The following IFT81 variants were observed in gnomAD, a reference collection of about 807,000 sequenced individuals.
IFT81 encodes the protein intraflagellar transport protein 81 homolog.
A neutral mutation model predicts 102.6 loss-of-function variants in IFT81; 72 were observed. The ratio of observed to expected loss-of-function variants is 0.70; its 90% CI spans 0.58 to 0.85. IFT81 has a LOEUF of 0.85. IFT81 is among the 40% of genes least tolerant of loss of function. IFT81 has a pLI of 0.00. For missense variants in IFT81, 723 were observed against 787.3 expected (o/e 0.92, Z 0.98); for synonymous variants, 237 against 242.7 (o/e 0.98, Z 0.22).
chr12:110,164,523 C>T (rs1289552403), intron 11 of IFT81, among the ~76,000 whole-genome samples: 2 of 151,846 alleles, frequency 1.3e-5, no homozygotes, highest in Non-Finnish European at 1.5e-5. Flanking sequence ...TTGTCCAAAC[C>T]TCATTTTTGG....
chr12:110,142,182 G>C (rs1006765645), intron 8 of IFT81, among the ~76,000 whole-genome samples: 1 of 151,846 alleles, frequency 6.6e-6, no homozygotes, highest in Non-Finnish European at 1.5e-5. Context: ...GTTTTTTTGA[G>C]ACAGAGTCTC....
intron 18 of IFT81, among the ~76,000 whole-genome samples, chr12:110,212,220 A>G (rs1434589516): frequency 6.7e-6 from 1 of 149,574 alleles, no homozygotes; most frequent in Non-Finnish European, 1.5e-5. Flanking sequence ...ATTGGTAAAT[A>G]AAGGTGATAT....
intron 12 of IFT81, among the ~76,000 whole-genome samples, chr12:110,190,283 C>T (rs1378074778): frequency 6.6e-6 from 1 of 152,160 alleles, no homozygotes; most frequent in Non-Finnish European, 1.5e-5. Flanking sequence ...ATTCTCACTG[C>T]ACCTCCTTAC....
chr12:110,164,183 A>G (rs1407875812), intron 11 of IFT81, among the ~76,000 whole-genome samples: 2 of 152,184 alleles, frequency 1.3e-5, no homozygotes, highest in South Asian at 2.1e-4. Flanking sequence ...ACATTGCAAT[A>G]TACTTTAAAT....
At chr12:110,211,637 G>A (rs955186611) in intron 18 of IFT81, among the ~76,000 whole-genome samples, 64 of 149,464 alleles carry the variant, frequency 4.3e-4, no homozygotes, top group African/African-American at 1.5e-3. Flanking sequence ...AATTATTCTT[G>A]TTTTTTTTTA....
At chr12:110,182,144 A>G (rs988439750) in intron 12 of IFT81, among the ~76,000 whole-genome samples, 1 of 152,324 alleles carries the variant, frequency 6.6e-6, no homozygotes, top group Non-Finnish European at 1.5e-5. Flanking sequence ...GTCAACATTC[A>G]TAACAGTTTG....
chr12:110,150,373 G>A (rs1188266969), intron 10 of IFT81, among the ~76,000 whole-genome samples: 2 of 152,044 alleles, frequency 1.3e-5, no homozygotes, highest in Non-Finnish European at 2.9e-5. Context: ...CACCGCACCC[G>A]GCCATGTTTT....
chr12:110,210,129 T>C (rs1869216499), intron 18 of IFT81, among the ~76,000 whole-genome samples: 1 of 152,158 alleles, frequency 6.6e-6, no homozygotes, highest in Non-Finnish European at 1.5e-5. Context: ...ACACCAGCTT[T>C]GCATTCTTAG....
chr12:110,126,854 A>C (rs10774545), intron 1 of IFT81, among the ~76,000 whole-genome samples: 113,883 of 152,124 alleles, frequency 0.75, 43,219 homozygotes, highest in African/African-American at 0.87. Flanking sequence ...CTCTACTCAG[A>C]TGCAGTTGGT....
At chr12:110,165,021 T>C (rs1896357828) in intron 11 of IFT81, among the ~76,000 whole-genome samples, 1 of 151,878 alleles carries the variant, frequency 6.6e-6, no homozygotes, top group Admixed American at 6.6e-5. Context: ...GGAAAAAACC[T>C]AGTGCCAGGT....
Position 110,146,936 on chromosome 12 carries a change from C to A in IFT81, c.946-17C>A. 1 of 1,552,316 alleles carries A rather than the reference C, an allele frequency of 6.4e-7. No individual in the cohort carries two copies. The highest frequency in any genetic ancestry group is 8.7e-7 in the Non-Finnish European group (1 of 1,151,538). On this transcript the variant is annotated splice_polypyrimidine_tract_variant and intron_variant, in intron 9 of 18. Coordinates refer to ENST00000242591, the MANE Select transcript of IFT81 (RefSeq NM_014055.4). The stretch of plus-strand genomic sequence containing the variant: ...GGAAAGTTTTAACTTTTTTTTTTTG[C>A]TTTCATGCTATTTTAGATAAATGAA...
intron 5 of IFT81, among the ~76,000 whole-genome samples, chr12:110,133,347 G>A (rs1894288033): frequency 6.6e-6 from 1 of 151,908 alleles, no homozygotes; most frequent in South Asian, 2.1e-4. Flanking sequence ...AGTAGGCCAG[G>A]CATGGTAGCT....
chr12:110,188,827 G>A (rs1312065944), intron 12 of IFT81, among the ~76,000 whole-genome samples: 1 of 151,770 alleles, frequency 6.6e-6, no homozygotes, highest in African/African-American at 2.4e-5. Flanking sequence ...TACTTGGGAG[G>A]CTGAGGCAGG....
At chr12:110,131,509 G>A (rs555446524) in intron 4 of IFT81, among the ~76,000 whole-genome samples, 5 of 151,990 alleles carry the variant, frequency 3.3e-5, no homozygotes, top group Middle Eastern at 3.4e-3. Flanking sequence ...ACTGTGCCCA[G>A]CTAATTTTTT....
At chr12:110,214,463 C>G (rs1014090814) in intron 18 of IFT81, among the ~76,000 whole-genome samples, 2 of 152,098 alleles carry the variant, frequency 1.3e-5, no homozygotes, top group African/African-American at 4.8e-5. Flanking sequence ...TGATGATAGT[C>G]TAAGCCCTCT....
intron 3 of IFT81, among the ~76,000 whole-genome samples, chr12:110,128,610 C>T (rs564000633): frequency 3.2e-4 from 48 of 151,328 alleles, no homozygotes; most frequent in Middle Eastern, 6.8e-3. Context: ...GGCAACATGG[C>T]GAAACGCTGC....
rs1021978379 is a variant in IFT81, at chr12:110,127,243, T to C, written c.-21-117T>C. The stretch of plus-strand genomic sequence containing the variant: ...CAAAATAACCCTTTTCACAGCATTT[T>C]GTATGCCATGTAAAATTATACTTTT... On this transcript the variant is annotated intron_variant, in intron 1 of 18. Transcript: ENST00000242591. 3.2e-5 allele frequency: 32 copies of C among 996,288 alleles called. No homozygotes were observed. In the African/African-American group the frequency reaches 4.4e-4, roughly 14 times the overall value. The allele number at this position is 996,288 out of a possible 1,614,324, so 61.7% of individuals were successfully genotyped here.
intron 10 of IFT81, among the ~76,000 whole-genome samples, chr12:110,154,587 T>C (rs2137406342): frequency 6.9e-6 from 1 of 145,834 alleles, no homozygotes; most frequent in South Asian, 2.2e-4. Flanking sequence ...AGATCATGCC[T>C]CTGCATTACA....
At chr12:110,169,508 T>C (rs1440530087) in intron 11 of IFT81, among the ~76,000 whole-genome samples, 1 of 152,102 alleles carries the variant, frequency 6.6e-6, no homozygotes, top group African/African-American at 2.4e-5. Flanking sequence ...CAATGAATGG[T>C]GATTAGAATG....
Sources: gnomAD v4.1 joint callset for allele counts (sites outside exome capture counted in the v4.1 genomes callset) on GRCh38, gnomAD v4.1.1 for gene constraint, MANE v1.5 for transcripts, NCBI Gene and HGNC (gene_info 2026-07-23, HGNC 2026-07-21) for gene names.